PDE10A: variants seen among roughly 807,000 people sequenced by gnomAD.
PDE10A encodes cAMP and cAMP-inhibited cGMP 3',5'-cyclic phosphodiesterase 10A.
A neutral mutation model predicts 97.7 loss-of-function variants in PDE10A; 39 were observed. The observed-to-expected ratio is 0.40, with a 90% CI of 0.31 to 0.52. The LOEUF (loss-of-function observed/expected upper bound fraction) is 0.52. Among genes scored for constraint, PDE10A ranks in the 20% least tolerant of loss-of-function variants. The pLI is 0.56. For missense variants in PDE10A, 731 were observed against 1,047.8 expected (o/e 0.70, Z 4.17); for synonymous variants, 371 against 376.8 (o/e 0.98, Z 0.18).
intron 1 of PDE10A, among the ~76,000 whole-genome samples, chr6:165,734,014 G>A (rs563651318): frequency 6.6e-6 from 1 of 152,144 alleles, no homozygotes; most frequent in Admixed American, 6.5e-5. Context: ...GTGTGTGCAC[G>A]ATGGGGACAG....
At chr6:165,965,938 G>A (rs1465689248) in intron 1 of PDE10A, among the ~76,000 whole-genome samples, 1 of 152,166 alleles carries the variant, frequency 6.6e-6, no homozygotes, top group Non-Finnish European at 1.5e-5. Context: ...AAAACATTCA[G>A]TAAACTATAT....
chr6:165,726,604 G>T (rs1408355381), intron 1 of PDE10A, among the ~76,000 whole-genome samples: 1 of 152,120 alleles, frequency 6.6e-6, no homozygotes, highest in Non-Finnish European at 1.5e-5. Context: ...CTCCTGACAG[G>T]CACCGCCTTC....
intron 1 of PDE10A, among the ~76,000 whole-genome samples, chr6:165,581,867 C>T (rs1278822240): frequency 1.9e-4 from 29 of 152,202 alleles, no homozygotes; most frequent in Admixed American, 1.9e-3. Context: ...CTGAGAGGAA[C>T]ATTTGGACTA....
intron 1 of PDE10A, among the ~76,000 whole-genome samples, chr6:165,806,019 A>G (rs2128466408): frequency 6.9e-6 from 1 of 144,984 alleles, no homozygotes; most frequent in African/African-American, 2.6e-5. Flanking sequence ...TCCTGGCAAA[A>G]TGATTTGTAG....
At chr6:165,644,283 G>A (rs750390545) in intron 1 of PDE10A, among the ~76,000 whole-genome samples, 7 of 152,132 alleles carry the variant, frequency 4.6e-5, no homozygotes, top group Admixed American at 3.3e-4. Flanking sequence ...GGATGGTCTC[G>A]ATCTCCTGAC....
intron 1 of PDE10A, among the ~76,000 whole-genome samples, chr6:165,907,739 G>A (rs952880245): frequency 6.6e-6 from 1 of 152,216 alleles, no homozygotes; most frequent in Admixed American, 6.5e-5. Context: ...CAGCAGTGGG[G>A]AAAGGACCGT....
At chr6:165,556,971 T>C (rs530442335) in intron 1 of PDE10A, among the ~76,000 whole-genome samples, 1 of 152,062 alleles carries the variant, frequency 6.6e-6, no homozygotes, top group African/African-American at 2.4e-5. Flanking sequence ...AAACCCTGTC[T>C]CTACTAAAAA....
intron 1 of PDE10A, among the ~76,000 whole-genome samples, chr6:165,703,728 A>G (rs1023762498): frequency 1.1e-4 from 16 of 152,250 alleles, no homozygotes; most frequent in African/African-American, 2.9e-4. Flanking sequence ...CCTTAGGCCA[A>G]AAGCACTAAG....
chr6:165,777,204 CAGTCACCTGGATGGAA>C (rs1778211361), intron 1 of PDE10A, among the ~76,000 whole-genome samples: 1 of 152,148 alleles, frequency 6.6e-6, no homozygotes, highest in Non-Finnish European at 1.5e-5. Flanking sequence ...AGGAGATGGG[CAGTCACCTGGATGGAA>C]AGTGGATTTG....
intron 3 of PDE10A, among the ~76,000 whole-genome samples, chr6:165,455,231 G>A (rs1027406688): frequency 6.6e-6 from 1 of 152,146 alleles, no homozygotes; most frequent in Non-Finnish European, 1.5e-5. Flanking sequence ...AAACTCCACT[G>A]AGGAGTACCA....
intron 1 of PDE10A, among the ~76,000 whole-genome samples, chr6:165,837,718 C>T (rs1463441993): frequency 7.3e-6 from 1 of 136,750 alleles, no homozygotes; most frequent in Non-Finnish European, 1.5e-5. Flanking sequence ...CAGAGTCTCA[C>T]TCCGTCGCCC....
chr6:165,697,373 G>C (rs1791466112), intron 1 of PDE10A, among the ~76,000 whole-genome samples: 2 of 152,180 alleles, frequency 1.3e-5, no homozygotes, highest in African/African-American at 2.4e-5. Context: ...TGAAAGAAAA[G>C]GAAAGCTGTT....
intron 1 of PDE10A, among the ~76,000 whole-genome samples, chr6:165,829,382 T>C (rs897702655): frequency 6.0e-4 from 49 of 81,098 alleles, no homozygotes; most frequent in African/African-American, 2.1e-3. Flanking sequence ...GATACACAGT[T>C]AGAACCTTAA....
At chr6:165,439,037 T>C (rs1790248642) in intron 5 of PDE10A, among the ~76,000 whole-genome samples, 1 of 151,772 alleles carries the variant, frequency 6.6e-6, no homozygotes, top group Non-Finnish European at 1.5e-5. Flanking sequence ...CATTAATAAA[T>C]GATTAACGTA....
At chr6:165,348,778 G>A (rs1782488979) in intron 18 of PDE10A, among the ~76,000 whole-genome samples, 1 of 152,194 alleles carries the variant, frequency 6.6e-6, no homozygotes, top group Admixed American at 6.5e-5. Context: ...CATGCGGGCA[G>A]TTTCCCCCTT....
At chr6:165,403,013 A>C (rs1321116562) in intron 13 of PDE10A, among the ~76,000 whole-genome samples, 2 of 152,208 alleles carry the variant, frequency 1.3e-5, no homozygotes, top group Non-Finnish European at 2.9e-5. Flanking sequence ...TCTCTTGTCC[A>C]TCATTTACTA....
chr6:165,585,372 A>G (rs1273922213), intron 1 of PDE10A, among the ~76,000 whole-genome samples: 1 of 152,194 alleles, frequency 6.6e-6, no homozygotes, highest in Non-Finnish European at 1.5e-5. Flanking sequence ...AATACAAACA[A>G]GGTGTTGCTG....
chr6:165,918,122 C>G (rs1037344562), intron 1 of PDE10A, among the ~76,000 whole-genome samples: 3 of 152,194 alleles, frequency 2.0e-5, no homozygotes, highest in African/African-American at 7.2e-5. Flanking sequence ...TTTGTTTAAC[C>G]GCAATGGTCT....
In PDE10A at chr6:165,494,517, C is replaced by CATATATAT. The variant is rs112000837; in HGVS notation, c.995-12182_995-12175dup. 1.5e-3 allele frequency among the ~76,000 whole-genome samples: 212 copies of CATATATAT among 141,914 alleles called. 1 individual carries two copies. The highest frequency in any genetic ancestry group is 5.3e-3 in the African/African-American group (205 of 38,600). The allele number at this position is 141,914 out of a possible 152,430, so 93.1% of individuals were successfully genotyped here. A position where few individuals can be genotyped will look rare whatever the true frequency, so the allele number is the denominator to read the frequency against. Reference sequence around the variant, plus strand: ...ACATAGTAGTATTCCATGGTGTGTGCATATATATATATATATATATTTATT... The same window carrying CATATATAT: ...ACATAGTAGTATTCCATGGTGTGTGCATATATATATATATATATATATATATATTTATT... On this transcript the variant is annotated intron_variant, in intron 2 of 21. Coordinates refer to ENST00000539869, the MANE Select transcript of PDE10A (RefSeq NM_001385079.1).
Sources: gnomAD v4.1 joint callset for allele counts (sites outside exome capture counted in the v4.1 genomes callset) on GRCh38, gnomAD v4.1.1 for gene constraint, MANE v1.5 for transcripts, NCBI Gene and HGNC (gene_info 2026-07-23, HGNC 2026-07-21) for gene names.